Variants in PLEKHJ1 observed in about 807,000 individuals in gnomAD.
PLEKHJ1 encodes pleckstrin homology domain containing J1.
PLEKHJ1 carries 20 observed loss-of-function variants against 21.7 expected under a neutral mutation model. The observed-to-expected ratio is 0.92, with a 90% confidence interval of 0.65 to 1.34. PLEKHJ1 has a LOEUF of 1.34. Among genes scored for constraint, PLEKHJ1 ranks in the 40% most tolerant of loss-of-function variants. The probability of loss-of-function intolerance (pLI) is 0.00; values close to 1 mark genes in which losing one functional copy is unlikely to be tolerated. For missense variants in PLEKHJ1, 241 were observed against 202.0 expected, an observed-to-expected ratio of 1.19 and a Z score of -1.17; for synonymous variants, 113 against 80.6, an observed-to-expected ratio of 1.40 and a Z score of -2.15.
intron 3 of PLEKHJ1, chr19:2,234,531 C>A: frequency 2.7e-6 from 1 of 365,702 alleles, no homozygotes; most frequent in Non-Finnish European, 5.0e-6. Context: ...GGTGACATGG[C>A]AAAATCCCCA....
At chr19:2,234,322 T>C in intron 3 of PLEKHJ1, 82 bp from the exon 4 acceptor site, 2 of 1,014,060 alleles carry the variant, frequency 2.0e-6, no homozygotes, top group Non-Finnish European at 1.5e-6. Context: ...CTGTCCCTTC[T>C]CTGGCCCCCA....
downstream of PLEKHJ1, chr19:2,231,043 CT>C: frequency 4.2e-6 from 1 of 235,756 alleles, no homozygotes; most frequent in Non-Finnish European, 8.3e-6. Context: ...GTGCCTGGGA[CT>C]GGGTGTGGAA....
Position 2,236,141 on chromosome 19 carries a change from C to G in PLEKHJ1, c.94+14G>C. On this transcript the variant is annotated intron_variant, in intron 1 of 5. Coordinates refer to ENST00000326631, the MANE Select transcript of PLEKHJ1 (RefSeq NM_018049.3). ...CGCCCCTGGCACTGTCTCGGTCTCC[C>G]GGGTCCCGCTCACCGCTGCCCTTCT... is the stretch of plus-strand genomic sequence containing the variant. The G allele has an allele frequency of 6.8e-7, 1 of 1,471,064 alleles. No individual in the cohort carries two copies. Among genetic ancestry groups the G allele is most frequent in the East Asian group, 3.0e-5 (1 of 33,724 alleles). The allele number at this position is 1,471,064 out of a possible 1,614,324, so 91.1% of individuals were successfully genotyped here.
chr19:2,234,197 G>C lies in PLEKHJ1; in HGVS notation c.273C>G (p.Ser91Arg). Residue 91 changes from serine to arginine, a missense_variant, in exon 4 of 6, where the codon AGC becomes AGG. Coordinates refer to ENST00000326631, the MANE Select transcript of PLEKHJ1 (RefSeq NM_018049.3). ...DPERKYHFEC[S>R]SEEQCQEWME... ...TCCACTCCTGACACTGCTCCTCGCT[G>C]CTGCACTCAAAGTGATACTTCCTCT... The C allele has an allele frequency of 6.2e-7, 1 of 1,613,114 alleles. No individual in the cohort carries two copies. The highest frequency in any genetic ancestry group is 8.5e-7 in the Non-Finnish European group (1 of 1,180,012).
At chr19:2,234,303 GC>G in intron 3 of PLEKHJ1, 63 bp from the exon 4 acceptor site, 1 of 1,277,590 alleles carries the variant, frequency 7.8e-7, no homozygotes, top group Non-Finnish European at 1.1e-6. Flanking sequence ...TCTTGCCATT[GC>G]CCATAAACTG....
downstream of PLEKHJ1, chr19:2,230,215 C>G: frequency 2.4e-6 from 1 of 419,058 alleles, no homozygotes; most frequent in East Asian, 3.5e-5. Flanking sequence ...GCTGACTAGA[C>G]GCTGACAACG....
downstream of PLEKHJ1, chr19:2,232,548 C>T (rs956677268): frequency 4.2e-5 from 9 of 211,908 alleles, no homozygotes; most frequent in South Asian, 1.9e-4. Context: ...CACCTCTAGA[C>T]GCTGTAATAA....
chr19:2,234,195 C>A lies in PLEKHJ1; in HGVS notation c.275G>T (p.Ser92Ile), dbSNP rs1194134731. ...CATCCACTCCTGACACTGCTCCTCG[C>A]TGCTGCACTCAAAGTGATACTTCCT... ...PERKYHFECS[S>I]EEQCQEWMEA... The change falls in exon 4 of 6, where the codon AGC (serine) becomes ATC (isoleucine). Residue 92 changes from serine to isoleucine, a missense_variant. Transcript: ENST00000326631. 33 of 1,613,088 alleles carry A rather than the reference C, an allele frequency of 2.0e-5. No homozygotes were observed. Among genetic ancestry groups the A allele is most frequent in the Non-Finnish European group, 2.8e-5 (33 of 1,180,026 alleles).
Position 2,233,935 on chromosome 19 carries a change from G to C in PLEKHJ1, c.385-30C>G, listed in dbSNP as rs779897432. The C allele has an allele frequency of 3.8e-5, 61 of 1,612,362 alleles. 1 individual carries two copies. In the South Asian group the frequency reaches 6.5e-4, roughly 17 times the overall value. On this transcript the variant is annotated intron_variant, in intron 5 of 5. Transcript: ENST00000326631. ...GGGGAGGACGGGTGGCCATGAGCCA[G>C]GGCTGGAGGACTGCCTCTGCCACCT...
At position 2,233,748 on chromosome 19, in the gene PLEKHJ1, C is replaced by T; in HGVS notation, c.*92G>A. The stretch of plus-strand genomic sequence containing the variant: ...GAAACCCTGACCCAAAAACCAAAAA[C>T]CAAAACAAAACAGATCCAGGCATGG... On this transcript the variant is annotated 3_prime_UTR_variant, in exon 6 of 6. Transcript: ENST00000326631. 1 of 1,324,686 alleles carries T rather than the reference C, an allele frequency of 7.5e-7. No homozygotes were observed. The highest frequency in any genetic ancestry group is 1.0e-6 in the Non-Finnish European group (1 of 966,360). 82.1% of individuals were successfully genotyped at this position (1,324,686 alleles called of 1,614,324 possible).
downstream of PLEKHJ1, among the ~76,000 whole-genome samples, chr19:2,232,912 C>T (rs1047394781): frequency 6.6e-6 from 1 of 152,206 alleles, no homozygotes; most frequent in African/African-American, 2.4e-5. Flanking sequence ...AGCCACACTC[C>T]GGGAGGGCCC....
intron 3 of PLEKHJ1, chr19:2,235,419 G>T (rs2144996264): frequency 3.6e-6 from 1 of 278,620 alleles, no homozygotes; most frequent in East Asian, 6.4e-5. Flanking sequence ...TCCAGCCCGG[G>T]GCCATATAAC....
chr19:2,233,829 G>A lies in PLEKHJ1; in HGVS notation c.*11C>T, dbSNP rs765803144. The A allele has an allele frequency of 1.4e-5, 23 of 1,598,104 alleles. No individual in the cohort carries two copies. Among genetic ancestry groups the A allele is most frequent in the African/African-American group, 6.7e-5 (5 of 74,470 alleles). On this transcript the variant is annotated 3_prime_UTR_variant, in exon 6 of 6. Transcript: ENST00000326631. ...CCCGTCCCGCTGCACGCTGACCACC[G>A]TGCCCTGCGCTCACGCCTGCAAGCC... is the stretch of plus-strand genomic sequence containing the variant.
downstream of PLEKHJ1, chr19:2,229,986 AGAT>A: frequency 6.2e-6 from 5 of 801,864 alleles, no homozygotes; most frequent in Non-Finnish European, 9.7e-6. Flanking sequence ...CGATAGTTTT[AGAT>A]AAAGTATTTA....
chr19:2,235,626 G>A (rs1319937939), intron 3 of PLEKHJ1, 136 bp downstream of exon 3: 3 of 715,050 alleles, frequency 4.2e-6, no homozygotes, highest in Non-Finnish European at 4.6e-6. Flanking sequence ...CGTGGACAAT[G>A]CACTCTTGTG....
chr19:2,234,463 C>T (rs1418051371), intron 3 of PLEKHJ1: 5 of 514,820 alleles, frequency 9.7e-6, no homozygotes, highest in Non-Finnish European at 1.7e-5. Context: ...ATAATCCCAG[C>T]GCTTTGAGAG....
At chr19:2,234,368 A>C in intron 3 of PLEKHJ1, 128 bp from the exon 4 acceptor site, 1 of 667,334 alleles carries the variant, frequency 1.5e-6, no homozygotes, top group Non-Finnish European at 2.6e-6. Context: ...CCCAGAACCC[A>C]TGAGTATGGC....
chr19:2,230,258 G>A (rs1160145138), downstream of PLEKHJ1: 9 of 425,810 alleles, frequency 2.1e-5, no homozygotes, highest in Non-Finnish European at 3.3e-5. Context: ...CCGCCCGGCC[G>A]GCTCCCCCGA....
At chr19:2,231,772 T>G (rs2024608420), downstream of PLEKHJ1, 1 of 214,086 alleles carries the variant, frequency 4.7e-6, no homozygotes, top group Admixed American at 5.9e-5. Context: ...CTTTAAACAC[T>G]GTATTACTTC....
Sources: gnomAD v4.1 joint callset for allele counts (sites outside exome capture counted in the v4.1 genomes callset) on GRCh38, gnomAD v4.1.1 for gene constraint, MANE v1.5 for transcripts, NCBI Gene and HGNC (gene_info 2026-07-23, HGNC 2026-07-21) for gene names.